WWOX: variants seen among roughly 807,000 people sequenced by gnomAD.
The protein encoded by WWOX is WW domain containing oxidoreductase.
WWOX carries 69 observed loss-of-function variants against 46.2 expected under a neutral mutation model. The ratio of observed to expected loss-of-function variants is 1.49; its 90% CI spans 1.23 to 1.82. The LOEUF is 1.82. Ranked by LOEUF, WWOX falls within the 40% of genes most tolerant of loss-of-function variation. WWOX has a pLI of 0.00. For missense variants in WWOX, 919 were observed against 542.6 expected (o/e 1.69, Z -6.89); for synonymous variants, 359 against 202.6 (o/e 1.77, Z -6.56).
At chr16:78,948,649 G>C (rs182327350) in intron 8 of WWOX, among the ~76,000 whole-genome samples, 305 of 152,194 alleles carry the variant, frequency 2.0e-3, no homozygotes, top group African/African-American at 6.9e-3. Flanking sequence ...CACTCGAAAA[G>C]AGGTTCCAGC....
chr16:78,354,366 T>C (rs1399268937), intron 5 of WWOX, among the ~76,000 whole-genome samples: 7 of 146,406 alleles, frequency 4.8e-5, no homozygotes, highest in Admixed American at 4.2e-4. Flanking sequence ...CCATAGACTT[T>C]GCACATATTG....
intron 4 of WWOX, among the ~76,000 whole-genome samples, chr16:78,136,525 G>A (rs1243297223): frequency 6.6e-6 from 1 of 152,150 alleles, no homozygotes. Context: ...ACCTAATAAA[G>A]TGCTGTCATA....
chr16:78,619,072 G>T (rs551722342), intron 8 of WWOX, among the ~76,000 whole-genome samples: 1 of 138,088 alleles, frequency 7.2e-6, no homozygotes, highest in East Asian at 2.2e-4. Context: ...GAGGTGGGAG[G>T]ATCACTGGAG....
intron 8 of WWOX, chr16:78,890,413 A>G (rs1022480819): frequency 6.8e-6 from 1 of 146,084 alleles, no homozygotes; most frequent in Non-Finnish European, 1.5e-5. Context: ...TTCTTAATGG[A>G]CATCCCTCCC....
At chr16:79,190,314 C>T (rs560695955) in intron 8 of WWOX, among the ~76,000 whole-genome samples, 27 of 152,174 alleles carry the variant, frequency 1.8e-4, no homozygotes, top group African/African-American at 5.5e-4. Context: ...CGTGAGCCAC[C>T]GTGCCCGGCC....
intron 8 of WWOX, among the ~76,000 whole-genome samples, chr16:79,202,456 G>T (rs1367062256): frequency 6.6e-6 from 1 of 152,134 alleles, no homozygotes; most frequent in African/African-American, 2.4e-5. Flanking sequence ...TGTGATTCTA[G>T]ATGTTTTTTA....
intron 4 of WWOX, among the ~76,000 whole-genome samples, chr16:78,145,466 T>C (rs1481322198): frequency 6.6e-6 from 1 of 152,144 alleles, no homozygotes; most frequent in Non-Finnish European, 1.5e-5. Flanking sequence ...GGATCCAGCA[T>C]GGGAGAAAGA....
At chr16:78,774,427 G>C (rs986602904) in intron 8 of WWOX, among the ~76,000 whole-genome samples, 2 of 152,084 alleles carry the variant, frequency 1.3e-5, no homozygotes, top group African/African-American at 4.8e-5. Flanking sequence ...TCTGAATGAT[G>C]ATAGGTGTTG....
intron 8 of WWOX, among the ~76,000 whole-genome samples, chr16:78,485,120 G>C (rs571055786): frequency 4.6e-5 from 7 of 151,482 alleles, no homozygotes; most frequent in African/African-American, 1.5e-4. Context: ...TCTGACTACA[G>C]GGTTTAGGTT....
chr16:78,744,243 A>G (rs911358780), intron 8 of WWOX, among the ~76,000 whole-genome samples: 1 of 152,122 alleles, frequency 6.6e-6, no homozygotes, highest in Admixed American at 6.6e-5. Context: ...AAGGAAGGAT[A>G]TAGTAAGCTG....
At chr16:78,430,290 C>G (rs1156359156) in intron 7 of WWOX, among the ~76,000 whole-genome samples, 1 of 152,134 alleles carries the variant, frequency 6.6e-6, no homozygotes, top group African/African-American at 2.4e-5. Context: ...GCCCTTGACA[C>G]ATGGGGGTTA....
At chr16:78,250,694 A>G (rs1312261911) in intron 5 of WWOX, among the ~76,000 whole-genome samples, 1 of 152,132 alleles carries the variant, frequency 6.6e-6, no homozygotes, top group East Asian at 1.9e-4. Flanking sequence ...GGCGGGCTGG[A>G]TAGTACAACT....
At position 78,345,312 on chromosome 16, in the gene WWOX, C is replaced by A. The variant is rs1196053166; in HGVS notation, c.517-41548C>A. 1.8e-5 allele frequency among the ~76,000 whole-genome samples: 2 copies of A among 113,070 alleles called. 1 individual carries two copies. The highest frequency in any genetic ancestry group is 4.2e-5 in the Non-Finnish European group (2 of 48,056). The allele number at this position is 113,070 out of a possible 152,430, so 74.2% of individuals were successfully genotyped here. Reference sequence around the variant, plus strand: ...GGCAAAAGTCACAATTACTTTTGTACCAACGTAATAGAATTAAGTAAAATA... The same window carrying A: ...GGCAAAAGTCACAATTACTTTTGTAACAACGTAATAGAATTAAGTAAAATA... On this transcript the variant is annotated intron_variant, in intron 5 of 8. Transcript: ENST00000566780.
intron 8 of WWOX, among the ~76,000 whole-genome samples, chr16:79,099,708 A>G (rs969953624): frequency 2.0e-5 from 3 of 152,200 alleles, no homozygotes; most frequent in Non-Finnish European, 4.4e-5. Context: ...TGGGCCGAAA[A>G]TAACATGAAC....
At chr16:78,700,324 G>C (rs924829074) in intron 8 of WWOX, among the ~76,000 whole-genome samples, 12 of 39,062 alleles carry the variant, frequency 3.1e-4, no homozygotes, top group Admixed American at 4.5e-4. Context: ...GAGAGAGAGA[G>C]AGAGAGAGAG....
In WWOX at chr16:79,122,500, C is replaced by G. The variant is rs140447079; in HGVS notation, c.1057-89108C>G. Among the ~76,000 whole-genome samples, 326 of 151,926 alleles carry G rather than the reference C, an allele frequency of 2.1e-3. 1 individual carries two copies. Among genetic ancestry groups the G allele is most frequent in the African/African-American group, 6.3e-3 (260 of 41,414 alleles). The stretch of plus-strand genomic sequence containing the variant: ...CCTTCTCTTGCTATTTCCTTTCTTT[C>G]TTTTTCCTTCCCTTCCTTCCTTCCT... On this transcript the variant is annotated intron_variant, in intron 8 of 8. Transcript: ENST00000566780.
intron 8 of WWOX, among the ~76,000 whole-genome samples, chr16:78,584,359 G>A (rs1375196080): frequency 6.6e-6 from 1 of 152,178 alleles, no homozygotes; most frequent in Non-Finnish European, 1.5e-5. Context: ...CCAAGCACTT[G>A]AATCCATAAC....
At chr16:78,718,135 C>T (rs148455290) in intron 8 of WWOX, among the ~76,000 whole-genome samples, 35 of 86,220 alleles carry the variant, frequency 4.1e-4, no homozygotes, top group African/African-American at 1.9e-3. Flanking sequence ...AAAGTATGGG[C>T]CATTGCATGT....
chr16:78,239,400 C>G (rs2037552526), intron 5 of WWOX, among the ~76,000 whole-genome samples: 1 of 152,170 alleles, frequency 6.6e-6, no homozygotes, highest in African/African-American at 2.4e-5. Context: ...TGATGGAGAA[C>G]TGGGTCCAGG....
Sources: allele counts gnomAD v4.1 joint callset (sites outside exome capture counted in the v4.1 genomes callset), GRCh38; gene constraint gnomAD v4.1.1; transcripts MANE v1.5; gene names NCBI Gene and HGNC (gene_info 2026-07-23, HGNC 2026-07-21).